The following SPIRE1 variants were observed in gnomAD, a reference collection of about 807,000 sequenced individuals.
SPIRE1 encodes the protein protein spire homolog 1.
SPIRE1 carries 40 observed loss-of-function variants against 94.1 expected under a neutral mutation model. The ratio of observed to expected loss-of-function variants is 0.43; its 90% CI spans 0.33 to 0.55. The LOEUF (loss-of-function observed/expected upper bound fraction) is 0.55, where lower values mean the gene tolerates loss of function less well. Ranked by LOEUF, SPIRE1 falls within the 20% of genes least tolerant of loss-of-function variation. The pLI, the probability that SPIRE1 is intolerant of heterozygous loss-of-function variation, is 0.06. For missense variants in SPIRE1, 838 were observed against 975.2 expected (o/e 0.86, Z 1.87); for synonymous variants, 376 against 371.7 (o/e 1.01, Z -0.13).
upstream of SPIRE1, among the ~76,000 whole-genome samples, chr18:12,660,785 T>C (rs930925260): frequency 2.0e-5 from 3 of 152,126 alleles, no homozygotes; most frequent in Non-Finnish European, 4.4e-5. Context: ...TAACAATTCA[T>C]GGTATGATAT....
intron 9 of SPIRE1, among the ~76,000 whole-genome samples, chr18:12,484,391 AAAG>A (rs1341167044): frequency 1.3e-5 from 2 of 152,230 alleles, no homozygotes; most frequent in African/African-American, 4.8e-5. Context: ...CCAAATGAAT[AAAG>A]AAAATAGAAA....
At chr18:12,555,448 A>C (rs1371650910) in intron 2 of SPIRE1, among the ~76,000 whole-genome samples, 1 of 152,216 alleles carries the variant, frequency 6.6e-6, no homozygotes, top group Non-Finnish European at 1.5e-5. Flanking sequence ...GAATTCAACA[A>C]CACATTAAAA....
chr18:12,448,527 C>CA lies in SPIRE1; in HGVS notation c.*1110dup, dbSNP rs1386390311. On this transcript the variant is annotated 3_prime_UTR_variant, in exon 17 of 17. Coordinates refer to ENST00000409402, the MANE Select transcript of SPIRE1 (RefSeq NM_001128626.2). The surrounding 1 kb of genome is among the most constrained non-coding windows in gnomAD (Gnocchi z 4.4). Reference sequence around the variant, plus strand: ...TCGTCAGAAACCAAACCTACTCACTCAAATCATTTACAAGGAAAACTAGTG... The same window carrying CA: ...TCGTCAGAAACCAAACCTACTCACTCAAAATCATTTACAAGGAAAACTAGTG... 2 of 152,202 alleles carry CA rather than the reference C, an allele frequency of 1.3e-5. No homozygotes were observed. The highest frequency in any genetic ancestry group is 2.9e-5 in the Non-Finnish European group (2 of 68,044). The allele number at this position is 152,202 out of a possible 1,614,324, so 9.4% of individuals were successfully genotyped here. A position where few individuals can be genotyped will look rare whatever the true frequency, so the allele number is the denominator to read the frequency against.
At chr18:12,502,379 T>C (rs960419710) in intron 6 of SPIRE1, among the ~76,000 whole-genome samples, 2 of 152,218 alleles carry the variant, frequency 1.3e-5, no homozygotes, top group Non-Finnish European at 2.9e-5. Context: ...AACACTGATA[T>C]GAATTTTTGA....
At chr18:12,637,290 C>G (rs2037957497) in intron 1 of SPIRE1, among the ~76,000 whole-genome samples, 1 of 147,308 alleles carries the variant, frequency 6.8e-6, no homozygotes, top group South Asian at 2.1e-4. Flanking sequence ...ACCCGGGAGG[C>G]AGAGCTTGCA....
At chr18:12,549,513 G>A (rs1162911178) in intron 2 of SPIRE1, among the ~76,000 whole-genome samples, 1 of 132,832 alleles carries the variant, frequency 7.5e-6, no homozygotes, top group Non-Finnish European at 1.6e-5. Flanking sequence ...GTGTAGTGGC[G>A]CGATCTCGGC....
chr18:12,527,369 A>G (rs1330270118), intron 4 of SPIRE1, among the ~76,000 whole-genome samples: 2 of 152,160 alleles, frequency 1.3e-5, no homozygotes, highest in East Asian at 1.9e-4. Context: ...AGTGAAGGGT[A>G]ATACTACCAA....
At chr18:12,635,167 A>T (rs116386860) in intron 1 of SPIRE1, 71 bp from the exon 2 acceptor site, 1 of 823,504 alleles carries the variant, frequency 1.2e-6, no homozygotes. Flanking sequence ...AAAATATTTG[A>T]GCTTCTCTGG....
rs60826359 is a variant in SPIRE1, at chr18:12,579,200, T to TACAC, written c.373-32300_373-32297dup. ...AGGAAAAAGTTTACACACACACACA[T>TACAC]ACACACACACACACACACACACACA... is the stretch of plus-strand genomic sequence containing the variant. On this transcript the variant is annotated intron_variant, in intron 2 of 16. Coordinates refer to ENST00000409402, the MANE Select transcript of SPIRE1 (RefSeq NM_001128626.2). Among the ~76,000 whole-genome samples, 206 of 119,106 alleles carry TACAC rather than the reference T, an allele frequency of 1.7e-3. 2 individuals are homozygous for TACAC. The highest frequency in any genetic ancestry group is 5.4e-3 in the African/African-American group (186 of 34,312). 78.1% of individuals were successfully genotyped at this position (119,106 alleles called of 152,430 possible).
intron 1 of SPIRE1, among the ~76,000 whole-genome samples, chr18:12,656,279 A>C (rs1271111728): frequency 2.0e-5 from 3 of 152,192 alleles, no homozygotes; most frequent in Non-Finnish European, 4.4e-5. Flanking sequence ...TCCCACTAAG[A>C]TTAAGTCCAA....
intron 2 of SPIRE1, among the ~76,000 whole-genome samples, chr18:12,624,971 T>TGTATCCTATG (rs1267924606): frequency 6.6e-6 from 1 of 151,812 alleles, no homozygotes; most frequent in African/African-American, 2.4e-5. Context: ...GTATAAATTA[T>TGTATCCTATG]GTATCCTATG....
chr18:12,541,835 A>C (rs2035022998), intron 3 of SPIRE1, among the ~76,000 whole-genome samples: 2 of 146,212 alleles, frequency 1.4e-5, no homozygotes, highest in Non-Finnish European at 3.0e-5. Context: ...ATGTAGTTTT[A>C]AATTTTCTAG....
At chr18:12,470,987 G>C (rs889428657) in intron 10 of SPIRE1, among the ~76,000 whole-genome samples, 3 of 151,470 alleles carry the variant, frequency 2.0e-5, no homozygotes, top group Admixed American at 1.3e-4. Context: ...CACTTAACAG[G>C]AATGGAAATC....
In SPIRE1 at chr18:12,448,927, C is replaced by T. The variant is rs974546731; in HGVS notation, c.*711G>A. On this transcript the variant is annotated 3_prime_UTR_variant, in exon 17 of 17. Transcript: ENST00000409402. The surrounding 1 kb of genome is among the most constrained non-coding windows in gnomAD (Gnocchi z 4.4). ...TATAAAACTATTAGTAACCATAATA[C>T]ATTCAAGATAGAGAATGAAGACCTG... 1 of 152,578 alleles carries T rather than the reference C, an allele frequency of 6.6e-6. No homozygotes were observed. Among genetic ancestry groups the T allele is most frequent in the Non-Finnish European group, 1.5e-5 (1 of 68,042 alleles). The allele number at this position is 152,578 out of a possible 1,614,324, so 9.5% of individuals were successfully genotyped here. A position where few individuals can be genotyped will look rare whatever the true frequency, so the allele number is the denominator to read the frequency against.
intron 1 of SPIRE1, among the ~76,000 whole-genome samples, chr18:12,642,095 T>C (rs2038103134): frequency 6.6e-6 from 1 of 152,154 alleles, no homozygotes; most frequent in Non-Finnish European, 1.5e-5. Flanking sequence ...GTGAATGTTA[T>C]GGATTTGATA....
intron 2 of SPIRE1, among the ~76,000 whole-genome samples, chr18:12,569,320 G>A (rs1325580744): frequency 2.1e-5 from 3 of 141,246 alleles, no homozygotes; most frequent in African/African-American, 8.1e-5. Context: ...CTGCCTGGGC[G>A]ACAGAGTGAG....
intron 1 of SPIRE1, among the ~76,000 whole-genome samples, chr18:12,657,058 G>A (rs45520946): frequency 3.3e-5 from 5 of 152,382 alleles, no homozygotes; most frequent in Admixed American, 6.5e-5. Context: ...TGAGGAGTGC[G>A]GTGTTTCCGA....
In SPIRE1 at chr18:12,549,918, T is replaced by C. The variant is rs542182414; in HGVS notation, c.373-3014A>G. 2.0e-5 allele frequency among the ~76,000 whole-genome samples: 3 copies of C among 152,326 alleles called. No homozygotes were observed. In the South Asian group the frequency reaches 6.2e-4, roughly 32 times the overall value. On this transcript the variant is annotated intron_variant, in intron 2 of 16. Coordinates refer to ENST00000409402, the MANE Select transcript of SPIRE1 (RefSeq NM_001128626.2). ...ATCACTCAGCAAGCTTGCTCTTTTC[T>C]CTGCTCAATTACCTTGCCTACAGGA...
At chr18:12,513,672 C>A (rs867769185) in intron 4 of SPIRE1, among the ~76,000 whole-genome samples, 3 of 151,796 alleles carry the variant, frequency 2.0e-5, no homozygotes, top group Non-Finnish European at 2.9e-5. Context: ...TACAGGCATG[C>A]GCCACCACGC....
Sources: gnomAD v4.1 joint callset for allele counts (sites outside exome capture counted in the v4.1 genomes callset) on GRCh38, gnomAD v4.1.1 for gene constraint, Gnocchi (gnomAD v3.1) non-coding constraint, MANE v1.5 for transcripts, NCBI Gene and HGNC (gene_info 2026-07-23, HGNC 2026-07-21) for gene names.